The following TWSG1 variants were observed in gnomAD, a reference collection of about 807,000 sequenced individuals.
TWSG1 encodes the protein twisted gastrulation protein homolog 1.
In TWSG1, 15 loss-of-function variants were observed where a neutral mutation model predicts 23.0. The ratio of observed to expected loss-of-function variants is 0.65; its 90% CI spans 0.44 to 1.00. The LOEUF (loss-of-function observed/expected upper bound fraction) is 1.00. Ranked by LOEUF, TWSG1 falls within the 50% of genes least tolerant of loss-of-function variation. TWSG1 has a pLI of 0.00. For missense variants in TWSG1, 242 were observed against 278.7 expected (o/e 0.87, Z 0.94); for synonymous variants, 86 against 92.8 (o/e 0.93, Z 0.42).
intron 3 of TWSG1, among the ~76,000 whole-genome samples, chr18:9,367,420 A>G (rs1385351093): frequency 6.6e-6 from 1 of 152,114 alleles, no homozygotes; most frequent in South Asian, 2.1e-4. Context: ...GATTCCACAT[A>G]TAAGTGAAAT....
chr18:9,391,273 T>C (rs537337633), intron 3 of TWSG1, among the ~76,000 whole-genome samples: 2 of 152,376 alleles, frequency 1.3e-5, no homozygotes, highest in East Asian at 3.9e-4. Context: ...TGTTTTGCTA[T>C]TTCCACTACA....
At chr18:9,392,833 AC>A (rs2040718745) in intron 3 of TWSG1, among the ~76,000 whole-genome samples, 1 of 152,210 alleles carries the variant, frequency 6.6e-6, no homozygotes, top group South Asian at 2.1e-4. Flanking sequence ...TAGTACGGTT[AC>A]TAATTGGTCT....
At chr18:9,365,819 A>G (rs530973094) in intron 3 of TWSG1, among the ~76,000 whole-genome samples, 78 of 152,078 alleles carry the variant, frequency 5.1e-4, no homozygotes, top group Non-Finnish European at 5.7e-4. Context: ...TGGGCGACAC[A>G]GGGAGACTCT....
At chr18:9,368,595 T>A (rs1410983798) in intron 3 of TWSG1, among the ~76,000 whole-genome samples, 1 of 151,928 alleles carries the variant, frequency 6.6e-6, no homozygotes, top group Non-Finnish European at 1.5e-5. Context: ...GGTAGATCAT[T>A]TGAGGTCAGG....
chr18:9,393,159 G>T lies in TWSG1; in HGVS notation c.224-3121G>T, dbSNP rs533832905. Among the ~76,000 whole-genome samples the T allele has an allele frequency of 5.3e-5, 8 of 152,344 alleles. No individual in the cohort carries two copies. The South Asian group carries it at 1.5e-3, about 28-fold the overall frequency. The stretch of plus-strand genomic sequence containing the variant: ...CACTGATAGACTAGCTCAGAGCAGG[G>T]TTGCCACAAACCTTCAATTTATAAA... On this transcript the variant is annotated intron_variant, in intron 3 of 4. Coordinates refer to ENST00000262120, the MANE Select transcript of TWSG1 (RefSeq NM_020648.6).
chr18:9,364,250 T>G (rs887117840), intron 3 of TWSG1, among the ~76,000 whole-genome samples: 1 of 152,224 alleles, frequency 6.6e-6, no homozygotes, highest in Non-Finnish European at 1.5e-5. Flanking sequence ...TTCTATTTCC[T>G]ATAGGCTGGA....
At chr18:9,383,183 G>GTTT (rs1403740714) in intron 3 of TWSG1, among the ~76,000 whole-genome samples, 851 of 75,042 alleles carry the variant, frequency 0.011, 42 homozygotes, top group African/African-American at 0.043. Context: ...CGAATTACAC[G>GTTT]TTTTTTTTTT....
chr18:9,370,981 C>G (rs2040602451), intron 3 of TWSG1, among the ~76,000 whole-genome samples: 1 of 151,836 alleles, frequency 6.6e-6, no homozygotes, highest in Non-Finnish European at 1.5e-5. Context: ...GATCACTTAA[C>G]TCTAAGGTGT....
In TWSG1 at chr18:9,399,413, G is replaced by A. The variant is rs72948180; in HGVS notation, c.558G>A (p.Glu186=). 3.6e-3 allele frequency: 5,773 copies of A among 1,613,970 alleles called. 15 individuals are homozygous for A. Among genetic ancestry groups the A allele is most frequent in the Middle Eastern group, 4.5e-3 (27 of 6,062 alleles). ...TACATCAGTGTAAAATATCCTGTGA[G>A]TCCATGGGAGCATCCAAATATCGCT... The part of the protein sequence containing the change: ...MSIHQCKISC[E]SMGASKYRWF... Residue 186 remains glutamate (E), a synonymous_variant, in exon 5 of 5, where the codon GAG becomes GAA. Coordinates refer to ENST00000262120, the MANE Select transcript of TWSG1 (RefSeq NM_020648.6).
intron 2 of TWSG1, among the ~76,000 whole-genome samples, chr18:9,349,209 T>A (rs80087526): frequency 0.077 from 11,714 of 152,264 alleles, 533 homozygotes; most frequent in Non-Finnish European, 0.095. Flanking sequence ...CCCCTGCTGC[T>A]TTTGTGAAAA....
At position 9,372,370 on chromosome 18, in the gene TWSG1, AAAAAT is replaced by A. The variant is rs58043835; in HGVS notation, c.223+12312_223+12316del. Among the ~76,000 whole-genome samples the A allele has an allele frequency of 5.3e-3, 786 of 148,332 alleles. 6 individuals carry two copies. The highest frequency in any genetic ancestry group is 7.0e-3 in the Non-Finnish European group (472 of 67,352). On this transcript the variant is annotated intron_variant, in intron 3 of 4. Transcript: ENST00000262120. ...TATAGCAATAATATGGTAATAAAATAAAAATAAAATAAAATAATACGGTAATAAAA... is the reference window on the plus strand; with the variant it reads ...TATAGCAATAATATGGTAATAAAATAAAAATAAAATAATACGGTAATAAAA...
At chr18:9,389,207 C>G (rs934908474) in intron 3 of TWSG1, among the ~76,000 whole-genome samples, 2 of 151,994 alleles carry the variant, frequency 1.3e-5, no homozygotes, top group African/African-American at 4.8e-5. Context: ...AACTCCTGAC[C>G]TCAGGTGATG....
At chr18:9,361,726 T>C (rs1203007409) in intron 3 of TWSG1, among the ~76,000 whole-genome samples, 1 of 152,236 alleles carries the variant, frequency 6.6e-6, no homozygotes, top group African/African-American at 2.4e-5. Flanking sequence ...CTTGTTTTTT[T>C]CCCATACTCA....
intron 3 of TWSG1, among the ~76,000 whole-genome samples, chr18:9,367,044 A>AT (rs2040582412): frequency 6.6e-6 from 1 of 151,908 alleles, no homozygotes; most frequent in South Asian, 2.1e-4. Context: ...ACCTCAAGTG[A>AT]TTTTCCCACC....
chr18:9,373,189 A>G lies in TWSG1; in HGVS notation c.223+13118A>G, dbSNP rs144033576. 1.1e-4 allele frequency among the ~76,000 whole-genome samples: 17 copies of G among 152,332 alleles called. 1 individual carries two copies. The East Asian group carries it at 3.3e-3, about 29-fold the overall frequency. On this transcript the variant is annotated intron_variant, in intron 3 of 4. Coordinates refer to ENST00000262120, the MANE Select transcript of TWSG1 (RefSeq NM_020648.6). ...ACATTACATAGTGATAAAGGGGTCA[A>G]TTCTCCAAAAAGAAATAACAATCTT...
intron 3 of TWSG1, among the ~76,000 whole-genome samples, chr18:9,382,673 G>A (rs2040663155): frequency 6.6e-6 from 1 of 151,906 alleles, no homozygotes; most frequent in African/African-American, 2.4e-5. Context: ...TGGGCGTGGT[G>A]GTGGGTGCCT....
chr18:9,342,716 A>G (rs2040451263), intron 2 of TWSG1, among the ~76,000 whole-genome samples: 3 of 152,140 alleles, frequency 2.0e-5, no homozygotes. Context: ...GTGACTTTCC[A>G]TCATTACTTT....
rs2040755894 is a variant in TWSG1 at position 9,400,070 on chromosome 18, TGTTG to T, written c.*547_*550del. 6.6e-6 allele frequency: 1 copy of T among 152,510 alleles called. No individual in the cohort carries two copies. The highest frequency in any genetic ancestry group is 2.4e-5 in the African/African-American group (1 of 41,460). The allele number at this position is 152,510 out of a possible 1,614,324, so 9.4% of individuals were successfully genotyped here. A position where few individuals can be genotyped will look rare whatever the true frequency, so the allele number is the denominator to read the frequency against. On this transcript the variant is annotated 3_prime_UTR_variant, in exon 5 of 5. Coordinates refer to ENST00000262120, the MANE Select transcript of TWSG1 (RefSeq NM_020648.6). ...AAAAAGCTTAATTTCATCCCTTTTA[TGTTG>T]GTTTTAAAAGGTAAATGCTTACCAT...
chr18:9,375,108 G>A (rs140481834), intron 3 of TWSG1, among the ~76,000 whole-genome samples: 11,386 of 149,882 alleles, frequency 0.076, 525 homozygotes, highest in Admixed American at 0.096. Context: ...CAGAGCTTGC[G>A]GTGAGCCAAG....
Sources: allele counts gnomAD v4.1 joint callset (sites outside exome capture counted in the v4.1 genomes callset), GRCh38; gene constraint gnomAD v4.1.1; transcripts MANE v1.5; gene names NCBI Gene and HGNC (gene_info 2026-07-23, HGNC 2026-07-21).